Variants in DCC observed in about 807,000 individuals in gnomAD.
DCC encodes the protein netrin receptor DCC.
DCC carries 58 observed loss-of-function variants against 172.5 expected under a neutral mutation model. The observed-to-expected ratio is 0.34, with a 90% CI of 0.27 to 0.42. The LOEUF (loss-of-function observed/expected upper bound fraction) is 0.42, where lower values mean the gene tolerates loss of function less well. Ranked by LOEUF, DCC falls within the 10% of genes least tolerant of loss-of-function variation. The pLI is 1.00. For synonymous variants in DCC, 709 were observed against 644.5 expected (o/e 1.10, Z -1.52); for missense variants, 1,740 against 1,791.0 (o/e 0.97, Z 0.51).
intron 7 of DCC, among the ~76,000 whole-genome samples, chr18:53,147,186 C>A (rs1190363926): frequency 6.6e-6 from 1 of 152,124 alleles, no homozygotes; most frequent in Non-Finnish European, 1.5e-5. Context: ...TCATTTTCTT[C>A]ACTGCAGTAC....
chr18:53,061,612 T>C (rs1342643484), intron 5 of DCC, among the ~76,000 whole-genome samples: 4 of 152,190 alleles, frequency 2.6e-5, no homozygotes, highest in South Asian at 2.1e-4. Context: ...TCTCAGGCTC[T>C]GGAAGTATTA....
chr18:52,479,223 A>G (rs1989182615), intron 1 of DCC, among the ~76,000 whole-genome samples: 1 of 152,218 alleles, frequency 6.6e-6, no homozygotes, highest in South Asian at 2.1e-4. Context: ...ACTTAAGCAC[A>G]TATAGATTTT....
chr18:52,346,281 G>T (rs1271734379), intron 1 of DCC, among the ~76,000 whole-genome samples: 1 of 152,144 alleles, frequency 6.6e-6, no homozygotes, highest in African/African-American at 2.4e-5. Context: ...CTTTATCATT[G>T]CAGGACTCAG....
intron 8 of DCC, among the ~76,000 whole-genome samples, chr18:53,175,761 T>G (rs1466790530): frequency 1.3e-5 from 2 of 151,970 alleles, no homozygotes; most frequent in African/African-American, 4.8e-5. Context: ...CCCAAGGTAA[T>G]TTACAGATTC....
intron 1 of DCC, among the ~76,000 whole-genome samples, chr18:52,385,754 T>C (rs551651898): frequency 4.9e-4 from 74 of 152,170 alleles, no homozygotes; most frequent in Non-Finnish European, 1.0e-3. Context: ...ATGAATTAAT[T>C]ATCTTTTTCT....
At chr18:52,714,019 C>A (rs942060989) in intron 1 of DCC, among the ~76,000 whole-genome samples, 16 of 152,188 alleles carry the variant, frequency 1.1e-4, no homozygotes, top group Admixed American at 8.5e-4. Flanking sequence ...TTAAATACTA[C>A]CTCTAAACTA....
At chr18:53,239,863 T>G (rs2056261419) in intron 12 of DCC, among the ~76,000 whole-genome samples, 1 of 152,026 alleles carries the variant, frequency 6.6e-6, no homozygotes. Context: ...ATGCCTTTTA[T>G]CTTAGCATGT....
intron 3 of DCC, among the ~76,000 whole-genome samples, chr18:52,909,324 T>C (rs1483524553): frequency 6.6e-6 from 1 of 152,196 alleles, no homozygotes; most frequent in Non-Finnish European, 1.5e-5. Flanking sequence ...TTCAACATGG[T>C]ACCAGAATGG....
intron 1 of DCC, among the ~76,000 whole-genome samples, chr18:52,637,533 C>T (rs2034805809): frequency 6.6e-6 from 1 of 152,102 alleles, no homozygotes; most frequent in Non-Finnish European, 1.5e-5. Flanking sequence ...TGGAAAGTCT[C>T]AGCAATAGAA....
At chr18:52,744,498 T>G (rs2036877231) in intron 1 of DCC, among the ~76,000 whole-genome samples, 1 of 152,250 alleles carries the variant, frequency 6.6e-6, no homozygotes, top group African/African-American at 2.4e-5. Context: ...AATAAAAATT[T>G]GTCTTAAATG....
chr18:53,343,851 G>A (rs2057690114), intron 15 of DCC, among the ~76,000 whole-genome samples: 1 of 151,926 alleles, frequency 6.6e-6, no homozygotes, highest in Non-Finnish European at 1.5e-5. Context: ...GGTCTGATTT[G>A]CAAACTTTCT....
At chr18:52,952,411 A>G (rs1322199369) in intron 5 of DCC, among the ~76,000 whole-genome samples, 4 of 152,206 alleles carry the variant, frequency 2.6e-5, no homozygotes, top group African/African-American at 9.6e-5. Flanking sequence ...AATCTGCTTG[A>G]TCAAGAAAAA....
intron 1 of DCC, among the ~76,000 whole-genome samples, chr18:52,396,256 A>G (rs1368168106): frequency 1.3e-5 from 2 of 151,586 alleles, no homozygotes; most frequent in Non-Finnish European, 2.9e-5. Context: ...TAATAATAAA[A>G]TAACACTGGA....
chr18:53,127,647 G>A (rs1020662718), intron 7 of DCC, among the ~76,000 whole-genome samples: 5 of 152,048 alleles, frequency 3.3e-5, no homozygotes, highest in African/African-American at 1.2e-4. Context: ...TAAAAGCTTA[G>A]CCACTAGAAT....
chr18:53,489,714 A>T (rs139607822), intron 26 of DCC, among the ~76,000 whole-genome samples: 220 of 152,294 alleles, frequency 1.4e-3, no homozygotes, highest in African/African-American at 5.0e-3. Context: ...GGCACAAATA[A>T]AGCTGAATTT....
At chr18:53,206,824 C>A (rs2055657321) in intron 10 of DCC, among the ~76,000 whole-genome samples, 2 of 151,236 alleles carry the variant, frequency 1.3e-5, no homozygotes, top group South Asian at 4.2e-4. Flanking sequence ...GCTTGTCAAG[C>A]ATAGAAAGGC....
At chr18:52,682,665 A>G (rs2035767954) in intron 1 of DCC, among the ~76,000 whole-genome samples, 1 of 152,150 alleles carries the variant, frequency 6.6e-6, no homozygotes, top group Non-Finnish European at 1.5e-5. Flanking sequence ...AGGAAGGCAG[A>G]TAATTAACAC....
intron 7 of DCC, among the ~76,000 whole-genome samples, chr18:53,131,100 G>A (rs2043644607): frequency 2.6e-5 from 4 of 152,126 alleles, no homozygotes; most frequent in Admixed American, 2.6e-4. Context: ...CAGAACCTCA[G>A]AATAGGGATG....
Position 53,133,398 on chromosome 18 carries a change from T to C in DCC, c.1262-23958T>C, listed in dbSNP as rs1223670375. Among the ~76,000 whole-genome samples, 4 of 152,216 alleles carry C rather than the reference T, an allele frequency of 2.6e-5. No individual in the cohort carries two copies. In the East Asian group the frequency reaches 7.7e-4, roughly 29 times the overall value. On this transcript the variant is annotated intron_variant, in intron 7 of 28. Coordinates refer to ENST00000442544, the MANE Select transcript of DCC (RefSeq NM_005215.4). ...TTTAGTTTTTTTCCTTTTCTTTTGC[T>C]GATAACCCCTTTTACAAGATTTAAA...
Sources: gnomAD v4.1 joint callset for allele counts (sites outside exome capture counted in the v4.1 genomes callset) on GRCh38, gnomAD v4.1.1 for gene constraint, MANE v1.5 for transcripts, NCBI Gene and HGNC (gene_info 2026-07-23, HGNC 2026-07-21) for gene names.